Variants in NEDD1 observed in about 807,000 individuals in gnomAD.
The protein encoded by NEDD1 is protein NEDD1.
A neutral mutation model predicts 74.0 loss-of-function variants in NEDD1; 33 were observed. That is an observed-to-expected ratio of 0.45 (90% CI 0.34 to 0.60). The LOEUF is 0.60. Ranked by LOEUF, NEDD1 falls within the 20% of genes least tolerant of loss-of-function variation. NEDD1 has a pLI of 0.01. For missense variants in NEDD1, 746 were observed against 776.5 expected, an observed-to-expected ratio of 0.96 and a Z score of 0.47; for synonymous variants, 250 against 264.4, an observed-to-expected ratio of 0.95 and a Z score of 0.53.
chr12:96,933,947 G>A (rs972365114), intron 6 of NEDD1, among the ~76,000 whole-genome samples: 2 of 152,126 alleles, frequency 1.3e-5, no homozygotes, highest in African/African-American at 4.8e-5. Flanking sequence ...TCTGGTCCAT[G>A]GAAGCTAGGA....
chr12:96,910,098 T>TA (rs1276585383), intron 3 of NEDD1, among the ~76,000 whole-genome samples: 1 of 152,282 alleles, frequency 6.6e-6, no homozygotes, highest in Non-Finnish European at 1.5e-5. Flanking sequence ...TGCGTTCATT[T>TA]AAAAAAAATT....
intron 6 of NEDD1, among the ~76,000 whole-genome samples, chr12:96,932,463 A>AAAAAAAAAATATATATATAT: frequency 1.1e-4 from 1 of 9,436 alleles, no homozygotes; most frequent in African/African-American, 3.4e-4. Context: ...AAAAAAAAAA[A>AAAAAAAAAATATATATATAT]ATATATATAT....
chr12:96,920,601 T>G (rs1874969533), intron 6 of NEDD1, among the ~76,000 whole-genome samples: 1 of 152,140 alleles, frequency 6.6e-6, no homozygotes, highest in Non-Finnish European at 1.5e-5. Flanking sequence ...GCTTATATAT[T>G]TCAGGTTAAT....
Position 96,937,489 on chromosome 12 carries a change from T to C in NEDD1, c.1117+96T>C, listed in dbSNP as rs542514698. On this transcript the variant is annotated intron_variant, in intron 9 of 15. Transcript: ENST00000266742. ...ATAATTAGCACATTCTTCAAGAACA[T>C]AGAACTCAAATTTATTTGAGTACTT... is the stretch of plus-strand genomic sequence containing the variant. 60 of 571,904 alleles carry C rather than the reference T, an allele frequency of 1.0e-4. 1 individual carries two copies. The South Asian group carries it at 2.2e-3, about 21-fold the overall frequency. 35.4% of individuals were successfully genotyped at this position (571,904 alleles called of 1,614,324 possible).
intron 4 of NEDD1, 136 bp from the exon 5 acceptor site, chr12:96,917,485 T>C (rs573829037): frequency 6.2e-5 from 63 of 1,009,366 alleles, no homozygotes; most frequent in Non-Finnish European, 7.5e-5. Context: ...AGTGGCTCTT[T>C]AGTACAAGAT....
At chr12:96,918,168 G>GT (rs935048588) in intron 5 of NEDD1, among the ~76,000 whole-genome samples, 75 of 145,268 alleles carry the variant, frequency 5.2e-4, no homozygotes, top group East Asian at 8.0e-4. Flanking sequence ...TCTTGTTTGT[G>GT]TTTTTTTTTT....
intron 3 of NEDD1, among the ~76,000 whole-genome samples, chr12:96,910,304 A>G (rs1873783189): frequency 1.3e-5 from 2 of 152,196 alleles, no homozygotes; most frequent in South Asian, 4.1e-4. Context: ...CTGAAAATTA[A>G]AGACAGAACT....
chr12:96,950,705 A>G (rs910586746), intron 14 of NEDD1, among the ~76,000 whole-genome samples: 1 of 151,954 alleles, frequency 6.6e-6, no homozygotes, highest in Non-Finnish European at 1.5e-5. Context: ...GTCCAACAAA[A>G]TTCAGGAGAG....
At chr12:96,914,124 GTC>G (rs1874202687) in intron 4 of NEDD1, among the ~76,000 whole-genome samples, 1 of 152,186 alleles carries the variant, frequency 6.6e-6, no homozygotes, top group Non-Finnish European at 1.5e-5. Flanking sequence ...GGCATAGAAT[GTC>G]TCTGGTCGAT....
rs113436652 is a variant in NEDD1 at position 96,942,662 on chromosome 12, A to C, written c.1294+38A>C. On this transcript the variant is annotated intron_variant, in intron 11 of 15. Coordinates refer to ENST00000266742, the MANE Select transcript of NEDD1 (RefSeq NM_152905.4). ...TAGAAGTATTTTCGTGAAAATGAAA[A>C]GTGAATTGTATTATCTATGCTGTGT... 38 of 1,042,862 alleles carry C rather than the reference A, an allele frequency of 3.6e-5. 1 individual carries two copies. The highest frequency in any genetic ancestry group is 4.1e-4 in the Middle Eastern group (2 of 4,898). 64.6% of individuals were successfully genotyped at this position (1,042,862 alleles called of 1,614,324 possible).
intron 4 of NEDD1, among the ~76,000 whole-genome samples, chr12:96,917,101 T>G (rs1003286343): frequency 4.6e-5 from 7 of 152,188 alleles, no homozygotes; most frequent in Non-Finnish European, 1.0e-4. Context: ...TGTCTGAGAC[T>G]TGGTCTCCTT....
At chr12:96,920,501 T>C (rs1874955489) in intron 6 of NEDD1, among the ~76,000 whole-genome samples, 1 of 152,188 alleles carries the variant, frequency 6.6e-6, no homozygotes. Flanking sequence ...AAATACTGTT[T>C]TGTGGACATG....
In NEDD1 at chr12:96,935,217, A is replaced by G. The variant is rs1876968253; in HGVS notation, c.719+12A>G. The stretch of plus-strand genomic sequence containing the variant: ...ACTTCAAGTAAGAAGTAAGTGTGAC[A>G]TGCTTATTTCTTAATTTAGTAACAA... On this transcript the variant is annotated intron_variant, in intron 7 of 15. Transcript: ENST00000266742. 1 of 1,391,934 alleles carries G rather than the reference A, an allele frequency of 7.2e-7. No individual in the cohort carries two copies. Among genetic ancestry groups the G allele is most frequent in the Non-Finnish European group, 1.0e-6 (1 of 977,776 alleles). 86.2% of individuals were successfully genotyped at this position (1,391,934 alleles called of 1,614,324 possible). A position where few individuals can be genotyped will look rare whatever the true frequency, so the allele number is the denominator to read the frequency against.
chr12:96,938,835 T>A (rs769791992), intron 9 of NEDD1, among the ~76,000 whole-genome samples: 39 of 50,314 alleles, frequency 7.8e-4, no homozygotes, highest in African/African-American at 1.6e-3. Flanking sequence ...TCTCTCTCTC[T>A]CACACACACA....
chr12:96,919,608 A>G (rs1462433793), intron 5 of NEDD1, among the ~76,000 whole-genome samples: 1 of 152,104 alleles, frequency 6.6e-6, no homozygotes, highest in Non-Finnish European at 1.5e-5. Flanking sequence ...TCCTCTGCCA[A>G]CTTCATTCAC....
chr12:96,930,888 C>T (rs1026216973), intron 6 of NEDD1, among the ~76,000 whole-genome samples: 2 of 152,148 alleles, frequency 1.3e-5, no homozygotes, highest in African/African-American at 4.8e-5. Flanking sequence ...GAAACTCTGC[C>T]ACCACCATAA....
intron 6 of NEDD1, among the ~76,000 whole-genome samples, chr12:96,926,080 G>A (rs1187686703): frequency 6.6e-6 from 1 of 151,462 alleles, no homozygotes; most frequent in African/African-American, 2.4e-5. Context: ...TTATCACATT[G>A]CCTACCATTT....
At chr12:96,916,774 CATG>C (rs58889639) in intron 4 of NEDD1, among the ~76,000 whole-genome samples, 2,899 of 152,096 alleles carry the variant, frequency 0.019, 88 homozygotes, top group African/African-American at 0.067. Flanking sequence ...TGGAAGGAGA[CATG>C]ATCTGATTTA....
intron 9 of NEDD1, among the ~76,000 whole-genome samples, chr12:96,937,662 G>T (rs550557758): frequency 6.6e-6 from 1 of 152,078 alleles, no homozygotes; most frequent in South Asian, 2.1e-4. Flanking sequence ...GGCTAACTCA[G>T]AAATTATTCA....
Sources: gnomAD v4.1 joint callset for allele counts (sites outside exome capture counted in the v4.1 genomes callset) on GRCh38, gnomAD v4.1.1 for gene constraint, MANE v1.5 for transcripts, NCBI Gene and HGNC (gene_info 2026-07-23, HGNC 2026-07-21) for gene names.